GLB1: variants seen among roughly 807,000 people sequenced by gnomAD.
GLB1 encodes galactosidase beta 1.
A neutral mutation model predicts 74.0 loss-of-function variants in GLB1; 56 were observed. That is an observed-to-expected ratio of 0.76 (90% CI 0.61 to 0.94). The LOEUF (loss-of-function observed/expected upper bound fraction) is 0.94. GLB1 is among the 40% of genes least tolerant of loss of function. The pLI is 0.00. For synonymous variants in GLB1, 323 were observed against 323.6 expected (o/e 1.00, Z 0.02); for missense variants, 787 against 845.5 (o/e 0.93, Z 0.86).
At chr3:33,039,869 G>A (rs1249434299) in intron 10 of GLB1, among the ~76,000 whole-genome samples, 1 of 152,130 alleles carries the variant, frequency 6.6e-6, no homozygotes, top group Non-Finnish European at 1.5e-5. Flanking sequence ...AATCTTAAAA[G>A]CACTAGAGAA....
At chr3:33,004,862 C>A (rs1696722631) in intron 15 of GLB1, among the ~76,000 whole-genome samples, 1 of 152,104 alleles carries the variant, frequency 6.6e-6, no homozygotes, top group African/African-American at 2.4e-5. Flanking sequence ...CCTATGAGAC[C>A]CCCAAAGGTG....
chr3:33,034,620 A>C, intron 10 of GLB1: 1 of 724,618 alleles, frequency 1.4e-6, no homozygotes. Flanking sequence ...TTGCTGCACA[A>C]GTTCAATGAT....
At chr3:33,024,798 TA>T (rs1280299768) in intron 10 of GLB1, among the ~76,000 whole-genome samples, 1 of 152,236 alleles carries the variant, frequency 6.6e-6, no homozygotes, top group East Asian at 1.9e-4. Context: ...TATTTAAAGG[TA>T]AAGGCCGTGA....
chr3:33,086,903 GA>G (rs1700522874), intron 1 of GLB1, among the ~76,000 whole-genome samples: 1 of 133,740 alleles, frequency 7.5e-6, no homozygotes, highest in Admixed American at 7.4e-5. Flanking sequence ...TCCATAAGAA[GA>G]AAAAAATAAA....
At chr3:32,969,441 G>C in the GLB1 span, among the ~76,000 whole-genome samples, 1 of 152,140 alleles carries the variant, frequency 6.6e-6, no homozygotes, top group African/African-American at 2.4e-5. Flanking sequence ...GGCCCCAAAA[G>C]AGGTGGCAGT....
chr3:33,053,426 T>C (rs1372203096), intron 7 of GLB1, 65 bp downstream of exon 7: 10 of 1,612,734 alleles, frequency 6.2e-6, no homozygotes, highest in Non-Finnish European at 8.5e-6. Context: ...TACTGCCCAG[T>C]TTCAGCAGCA....
At chr3:33,011,475 A>T (rs1158895200) in intron 15 of GLB1, among the ~76,000 whole-genome samples, 3 of 150,570 alleles carry the variant, frequency 2.0e-5, no homozygotes, top group African/African-American at 4.9e-5. Context: ...ATAAAAAATA[A>T]AATAAAAATA....
chr3:32,962,834 A>T, the GLB1 span, among the ~76,000 whole-genome samples: 1 of 151,928 alleles, frequency 6.6e-6, no homozygotes, highest in Non-Finnish European at 1.5e-5. Flanking sequence ...GGCCTTATAC[A>T]AGCAAGCTCA....
At chr3:33,058,041 G>C (rs375537653) in intron 6 of GLB1, 48 bp downstream of exon 6, 10 of 1,610,352 alleles carry the variant, frequency 6.2e-6, no homozygotes, top group Non-Finnish European at 8.5e-6. Context: ...AACTGACTGA[G>C]TAAAAAGCTG....
chr3:32,992,386 T>C (rs1696241814), downstream of GLB1, among the ~76,000 whole-genome samples: 1 of 152,206 alleles, frequency 6.6e-6, no homozygotes. Flanking sequence ...TAGGTGTCAT[T>C]TCTTCCCTCT....
At chr3:32,999,544 G>A (rs770355324) in intron 15 of GLB1, among the ~76,000 whole-genome samples, 9 of 152,134 alleles carry the variant, frequency 5.9e-5, no homozygotes, top group South Asian at 2.1e-4. Flanking sequence ...CTCACATGCC[G>A]GGTGGACTGT....
At position 32,997,176 on chromosome 3, in the gene GLB1, CA is replaced by C. The variant is rs1213497683; in HGVS notation, c.1902del (p.Cys634TrpfsTer3). On this transcript the variant is annotated frameshift_variant, in exon 16 of 16. Transcript: ENST00000307363. LOFTEE classifies it low-confidence loss of function (END_TRUNC). Reference protein sequence around the residue: ...APCSSDDPELCAVTFVDRPVI... With the variant: ...APCSSDDPELXAVTFVDRPVI... The stretch of plus-strand genomic sequence containing the variant: ...ACTGGCCTGTCCACGAACGTCACAG[CA>C]CATAGTTCTGGATCATCACTGCTGC... 4.3e-6 allele frequency: 7 copies of C among 1,614,154 alleles called. No individual in the cohort carries two copies. Among genetic ancestry groups the C allele is most frequent in the African/African-American group, 1.3e-5 (1 of 75,026 alleles).
the GLB1 span, among the ~76,000 whole-genome samples, chr3:32,978,081 A>G: frequency 1.3e-5 from 2 of 152,212 alleles, no homozygotes; most frequent in African/African-American, 2.4e-5. Context: ...TGGCCACGTT[A>G]TGATACTGTG....
At chr3:32,971,381 A>G in the GLB1 span, among the ~76,000 whole-genome samples, 1 of 152,220 alleles carries the variant, frequency 6.6e-6, no homozygotes, top group African/African-American at 2.4e-5. Flanking sequence ...TCATTCTATG[A>G]GCATTTTAAT....
chr3:33,014,036 C>A lies in GLB1; in HGVS notation c.1734+20G>T. ...AAAAGTTTAGGCCTGAATTCAAACC[C>A]TTCCCATGAAGACACGTACCTTGGT... On this transcript the variant is annotated intron_variant, in intron 15 of 15. Transcript: ENST00000307363. 1 of 1,614,192 alleles carries A rather than the reference C, an allele frequency of 6.2e-7. No homozygotes were observed. Among genetic ancestry groups the A allele is most frequent in the Non-Finnish European group, 8.5e-7 (1 of 1,180,034 alleles).
chr3:33,085,768 G>A (rs1700483354), intron 1 of GLB1, among the ~76,000 whole-genome samples: 1 of 151,956 alleles, frequency 6.6e-6, no homozygotes, highest in Admixed American at 6.6e-5. Context: ...CAAGTGCAGT[G>A]GTTCACACCT....
chr3:33,051,664 A>G, intron 9 of GLB1, 94 bp downstream of exon 9: 1 of 1,567,182 alleles, frequency 6.4e-7, no homozygotes, highest in Non-Finnish European at 8.7e-7. Flanking sequence ...AAACAAAAAA[A>G]GGAAAATAAA....
intron 15 of GLB1, among the ~76,000 whole-genome samples, chr3:33,002,073 C>G (rs1696596729): frequency 6.6e-6 from 1 of 151,556 alleles, no homozygotes. Flanking sequence ...CCATGGGGAC[C>G]AAGCAGTGGT....
chr3:33,075,023 G>A (rs1053423669), intron 1 of GLB1, among the ~76,000 whole-genome samples: 2 of 152,212 alleles, frequency 1.3e-5, no homozygotes, highest in African/African-American at 4.8e-5. Context: ...AAAAGGGCAA[G>A]TGTCAATTTA....
Sources: allele counts gnomAD v4.1 joint callset (sites outside exome capture counted in the v4.1 genomes callset), GRCh38; gene constraint gnomAD v4.1.1; transcripts MANE v1.5; gene names NCBI Gene and HGNC (gene_info 2026-07-23, HGNC 2026-07-21).